The following ATRNL1 variants were observed in gnomAD, a reference collection of about 807,000 sequenced individuals.
The protein encoded by ATRNL1 is attractin-like protein 1.
Under a neutral mutation model 182.7 loss-of-function variants are expected in ATRNL1, and 95 were observed. The observed-to-expected ratio is 0.52, with a 90% CI of 0.44 to 0.62. ATRNL1 has a LOEUF of 0.62. Ranked by LOEUF, ATRNL1 falls within the 20% of genes least tolerant of loss-of-function variation. The pLI is 0.00. For synonymous variants in ATRNL1, 576 were observed against 568.3 expected, an observed-to-expected ratio of 1.01 and a Z score of -0.19; for missense variants, 1,471 against 1,679.5, an observed-to-expected ratio of 0.88 and a Z score of 2.17.
intron 8 of ATRNL1, among the ~76,000 whole-genome samples, chr10:115,210,401 A>G (rs1554894719): frequency 1.3e-5 from 2 of 151,788 alleles, no homozygotes; most frequent in African/African-American, 2.4e-5. Context: ...ATGTTGATAT[A>G]TCTCCCACCA....
chr10:115,363,050 T>A (rs1856831515), intron 19 of ATRNL1, among the ~76,000 whole-genome samples: 2 of 151,338 alleles, frequency 1.3e-5, no homozygotes, highest in African/African-American at 2.4e-5. Flanking sequence ...ATGGGATGGC[T>A]GGGTCAAATG....
chr10:115,931,085 C>T (rs914845674), intron 28 of ATRNL1, among the ~76,000 whole-genome samples: 4 of 151,990 alleles, frequency 2.6e-5, no homozygotes, highest in African/African-American at 7.2e-5. Flanking sequence ...ACTAAGGGAG[C>T]GGGAAGGGGT....
At chr10:115,759,201 T>A (rs1415762557) in intron 27 of ATRNL1, among the ~76,000 whole-genome samples, 4 of 152,230 alleles carry the variant, frequency 2.6e-5, no homozygotes, top group African/African-American at 9.6e-5. Context: ...TTGGCATTTT[T>A]AAATAAATTT....
intron 27 of ATRNL1, among the ~76,000 whole-genome samples, chr10:115,771,525 C>T (rs369980333): frequency 9.2e-5 from 14 of 152,268 alleles, no homozygotes; most frequent in Non-Finnish European, 1.3e-4. Flanking sequence ...CCACCGCGCC[C>T]GGCCAGAATT....
At chr10:115,780,673 A>G (rs776961934) in intron 27 of ATRNL1, among the ~76,000 whole-genome samples, 23 of 152,200 alleles carry the variant, frequency 1.5e-4, no homozygotes, top group Non-Finnish European at 2.8e-4. Flanking sequence ...TCCAGGCCCT[A>G]GCTCCTGGAT....
At chr10:115,877,888 A>G (rs1951734571) in intron 28 of ATRNL1, among the ~76,000 whole-genome samples, 1 of 152,226 alleles carries the variant, frequency 6.6e-6, no homozygotes, top group Admixed American at 6.5e-5. Context: ...GCTAGGCACT[A>G]ATGCCAAACG....
At chr10:115,101,722 T>C (rs1340810317) in intron 1 of ATRNL1, among the ~76,000 whole-genome samples, 2 of 152,196 alleles carry the variant, frequency 1.3e-5, no homozygotes, top group African/African-American at 2.4e-5. Context: ...ATGAGCACCA[T>C]GGGACTCTCC....
intron 26 of ATRNL1, among the ~76,000 whole-genome samples, chr10:115,642,883 G>A (rs1859342261): frequency 6.6e-6 from 1 of 152,186 alleles, no homozygotes. Context: ...TTATTCTAAA[G>A]CAGTGGCTCT....
intron 28 of ATRNL1, among the ~76,000 whole-genome samples, chr10:115,926,403 T>C (rs1427823643): frequency 1.3e-5 from 2 of 151,242 alleles, no homozygotes; most frequent in Non-Finnish European, 2.9e-5. Context: ...AAGAAATAAC[T>C]AAGATCAGAG....
intron 26 of ATRNL1, among the ~76,000 whole-genome samples, chr10:115,681,882 G>T (rs955427501): frequency 3.3e-5 from 5 of 152,124 alleles, no homozygotes; most frequent in African/African-American, 1.2e-4. Context: ...AAGGAGAAAG[G>T]TGACATGTGA....
intron 21 of ATRNL1, among the ~76,000 whole-genome samples, chr10:115,435,729 C>G (rs1458443521): frequency 6.6e-6 from 1 of 152,206 alleles, no homozygotes; most frequent in Admixed American, 6.5e-5. Context: ...AAAAATGACT[C>G]TTCCAGATAT....
intron 10 of ATRNL1, among the ~76,000 whole-genome samples, chr10:115,245,313 A>G (rs1406267361): frequency 2.0e-5 from 3 of 151,884 alleles, no homozygotes; most frequent in African/African-American, 7.3e-5. Context: ...AGCCTGACCA[A>G]CATGGAGAAA....
intron 27 of ATRNL1, among the ~76,000 whole-genome samples, chr10:115,736,094 A>AAC (rs5788110): frequency 6.7e-6 from 1 of 150,122 alleles, no homozygotes; most frequent in East Asian, 2.0e-4. Context: ...GTTATTTCTA[A>AAC]GTTATTGAGT....
intron 25 of ATRNL1, among the ~76,000 whole-genome samples, chr10:115,534,255 C>T (rs1554989465): frequency 6.6e-6 from 1 of 151,100 alleles, no homozygotes; most frequent in African/African-American, 2.4e-5. Flanking sequence ...CCTTGCAGGT[C>T]ACTCAGGACT....
chr10:115,602,049 T>A (rs1856625285), intron 26 of ATRNL1, among the ~76,000 whole-genome samples: 1 of 152,160 alleles, frequency 6.6e-6, no homozygotes, highest in South Asian at 2.1e-4. Context: ...AATATGCATT[T>A]TGAACTTATT....
chr10:115,459,318 C>T (rs10885719), intron 21 of ATRNL1, among the ~76,000 whole-genome samples: 38,175 of 151,982 alleles, frequency 0.25, 5,234 homozygotes, highest in Non-Finnish European at 0.31. Context: ...GCTAGTTAGC[C>T]GGGCAGAACA....
chr10:115,747,521 A>G (rs1948327639), intron 27 of ATRNL1, among the ~76,000 whole-genome samples: 1 of 152,122 alleles, frequency 6.6e-6, no homozygotes, highest in South Asian at 2.1e-4. Context: ...GGAATATGTA[A>G]TGAATAGAAC....
chr10:115,775,814 C>T lies in ATRNL1; in HGVS notation c.3903+48459C>T, dbSNP rs966263580. On this transcript the variant is annotated intron_variant, in intron 27 of 28. Coordinates refer to ENST00000355044, the MANE Select transcript of ATRNL1 (RefSeq NM_207303.4). ...TACTAAAAAAAATACAAAAATTAGC[C>T]GGGCATGGTGGCATGCACCTGTAAT... Among the ~76,000 whole-genome samples the T allele has an allele frequency of 7.1e-4, 108 of 151,866 alleles. 1 individual carries two copies. Among genetic ancestry groups the T allele is most frequent in the Non-Finnish European group, 1.3e-3 (89 of 67,942 alleles).
At chr10:115,810,376 A>G (rs1176866868) in intron 27 of ATRNL1, among the ~76,000 whole-genome samples, 2 of 151,882 alleles carry the variant, frequency 1.3e-5, no homozygotes, top group African/African-American at 4.8e-5. Context: ...TCGTCCTCAA[A>G]TGTATTTGAT....
Sources: allele counts gnomAD v4.1 joint callset (sites outside exome capture counted in the v4.1 genomes callset), GRCh38; gene constraint gnomAD v4.1.1; transcripts MANE v1.5; gene names NCBI Gene and HGNC (gene_info 2026-07-23, HGNC 2026-07-21).